Variants in TACR1 observed in about 807,000 individuals in gnomAD.
TACR1 encodes the protein tachykinin receptor 1.
TACR1 carries 25 observed loss-of-function variants against 35.8 expected under a neutral mutation model. The ratio of observed to expected loss-of-function variants is 0.70; its 90% confidence interval spans 0.51 to 0.98. The LOEUF is 0.98. Ranked by LOEUF, TACR1 falls within the 50% of genes least tolerant of loss-of-function variation. The probability of loss-of-function intolerance (pLI) is 0.00; values close to 1 mark genes in which losing one functional copy is unlikely to be tolerated. For synonymous variants in TACR1, 195 were observed against 206.7 expected, an observed-to-expected ratio of 0.94 and a Z score of 0.48; for missense variants, 478 against 522.9, an observed-to-expected ratio of 0.91 and a Z score of 0.84.
chr2:75,064,688 T>C (rs1054360552), intron 2 of TACR1, among the ~76,000 whole-genome samples: 1 of 152,126 alleles, frequency 6.6e-6, no homozygotes, highest in African/African-American at 2.4e-5. Context: ...TAAAGAACAG[T>C]GGTATCTGAG....
chr2:75,063,992 C>T (rs1672719837), intron 2 of TACR1, among the ~76,000 whole-genome samples: 2 of 152,110 alleles, frequency 1.3e-5, no homozygotes, highest in Admixed American at 6.5e-5. Flanking sequence ...CTGGCCCTTC[C>T]CAGCATGACA....
chr2:75,154,566 G>GACACACACACACACACACACA (rs1472581715), intron 1 of TACR1: 2 of 148,974 alleles, frequency 1.3e-5, no homozygotes, highest in Admixed American at 6.7e-5. Flanking sequence ...CACTAACCCA[G>GACACACACACACACACACACA]CACAGGTGAG....
chr2:75,180,000 C>A (rs1239132012), intron 1 of TACR1, among the ~76,000 whole-genome samples: 1 of 152,194 alleles, frequency 6.6e-6, no homozygotes, highest in East Asian at 1.9e-4. Context: ...CCAATCCTGA[C>A]TCACTCAGGC....
At chr2:75,192,671 T>A (rs1306536648) in intron 1 of TACR1, among the ~76,000 whole-genome samples, 1 of 152,156 alleles carries the variant, frequency 6.6e-6, no homozygotes, top group South Asian at 2.1e-4. Flanking sequence ...TGTAGGCAGA[T>A]GTCTAAGGCA....
chr2:75,077,662 T>G (rs1027149824), intron 2 of TACR1, among the ~76,000 whole-genome samples: 2 of 152,350 alleles, frequency 1.3e-5, no homozygotes, highest in African/African-American at 4.8e-5. Context: ...TGGTGTTTAC[T>G]GTGGATCAGG....
chr2:75,120,156 C>T (rs969083038), intron 2 of TACR1, among the ~76,000 whole-genome samples: 32 of 152,104 alleles, frequency 2.1e-4, no homozygotes, highest in African/African-American at 7.5e-4. Context: ...AGCAGCCCCT[C>T]AATCATTGTT....
At chr2:75,152,346 A>C (rs1196754906) in intron 1 of TACR1, among the ~76,000 whole-genome samples, 1 of 152,180 alleles carries the variant, frequency 6.6e-6, no homozygotes, top group Non-Finnish European at 1.5e-5. Context: ...TAATTGAATC[A>C]TGGGGGCCAG....
chr2:75,128,561 G>A (rs369668497), intron 1 of TACR1, among the ~76,000 whole-genome samples: 7 of 152,160 alleles, frequency 4.6e-5, no homozygotes, highest in Non-Finnish European at 8.8e-5. Flanking sequence ...TCAGCTAATC[G>A]CTGGGATCCT....
intron 1 of TACR1, among the ~76,000 whole-genome samples, chr2:75,177,114 CCCA>C (rs1299553225): frequency 6.6e-6 from 1 of 151,816 alleles, no homozygotes; most frequent in African/African-American, 2.4e-5. Flanking sequence ...CTTGCTGCCC[CCCA>C]CCACCACTTC....
chr2:75,197,103 C>T (rs1676012878), intron 1 of TACR1, among the ~76,000 whole-genome samples: 1 of 152,206 alleles, frequency 6.6e-6, no homozygotes, highest in Non-Finnish European at 1.5e-5. Context: ...TCATTTCACT[C>T]CCACTTTGAG....
At chr2:75,053,500 G>A (rs1672510107) in intron 3 of TACR1, 105 bp downstream of exon 3, 1 of 1,350,738 alleles carries the variant, frequency 7.4e-7, no homozygotes, top group Middle Eastern at 2.8e-4. Context: ...CCATACCTGG[G>A]GATATTTTGT....
chr2:75,097,266 G>A lies in TACR1; in HGVS notation c.584+23308C>T, dbSNP rs545839406. 3.3e-5 allele frequency among the ~76,000 whole-genome samples: 5 copies of A among 152,190 alleles called. No individual in the cohort carries two copies. The South Asian group carries it at 1.0e-3, about 32-fold the overall frequency. On this transcript the variant is annotated intron_variant, in intron 2 of 4. Transcript: ENST00000305249. ...TTTTTCAGTCTTTTGTTCTGAGTAG[G>A]TACACAGTACTTAAAAAATGTTCTA... is the stretch of plus-strand genomic sequence containing the variant.
intron 2 of TACR1, among the ~76,000 whole-genome samples, chr2:75,089,861 T>C (rs1673272003): frequency 6.6e-6 from 1 of 152,110 alleles, no homozygotes; most frequent in South Asian, 2.1e-4. Context: ...CAAACCATAG[T>C]ACATTACAAA....
At chr2:75,131,112 A>G (rs1300232357) in intron 1 of TACR1, among the ~76,000 whole-genome samples, 1 of 150,678 alleles carries the variant, frequency 6.6e-6, no homozygotes, top group Non-Finnish European at 1.5e-5. Flanking sequence ...TTTTTTTGAG[A>G]CAGAGTCTCT....
intron 2 of TACR1, among the ~76,000 whole-genome samples, chr2:75,092,461 T>C (rs950042822): frequency 3.3e-4 from 51 of 152,260 alleles, no homozygotes; most frequent in Non-Finnish European, 6.6e-4. Flanking sequence ...ATCATCATCA[T>C]TTTCATCAAC....
At chr2:75,081,292 G>A (rs1471953290) in intron 2 of TACR1, among the ~76,000 whole-genome samples, 1 of 152,220 alleles carries the variant, frequency 6.6e-6, no homozygotes, top group Non-Finnish European at 1.5e-5. Context: ...AGGCAAGAGG[G>A]GTTCCTGTCC....
intron 2 of TACR1, among the ~76,000 whole-genome samples, chr2:75,094,476 G>A (rs3755459): frequency 0.4 from 61,106 of 151,874 alleles, 12,543 homozygotes; most frequent in East Asian, 0.6. Context: ...GGCCTCTTAA[G>A]GCAAACAACA....
chr2:75,151,542 C>T (rs777180038), intron 1 of TACR1, among the ~76,000 whole-genome samples: 3 of 152,160 alleles, frequency 2.0e-5, no homozygotes, highest in Admixed American at 2.0e-4. Context: ...GGAACCTTTG[C>T]CTAGATTTAG....
chr2:75,068,828 T>C (rs1672820231), intron 2 of TACR1, among the ~76,000 whole-genome samples: 2 of 152,126 alleles, frequency 1.3e-5, no homozygotes, highest in Admixed American at 1.3e-4. Flanking sequence ...GAATTCTCCA[T>C]TGTAGAGATT....
Sources: gnomAD v4.1 joint callset for allele counts (sites outside exome capture counted in the v4.1 genomes callset) on GRCh38, gnomAD v4.1.1 for gene constraint, MANE v1.5 for transcripts, NCBI Gene and HGNC (gene_info 2026-07-23, HGNC 2026-07-21) for gene names.